NFX1: variants seen among roughly 807,000 people sequenced by gnomAD.
NFX1 encodes the protein transcriptional repressor NF-X1.
NFX1 carries 69 observed loss-of-function variants against 137.2 expected under a neutral mutation model. The ratio of observed to expected loss-of-function variants is 0.50; its 90% CI spans 0.41 to 0.61. The LOEUF (loss-of-function observed/expected upper bound fraction) is 0.61, where lower values mean the gene tolerates loss of function less well. Among genes scored for constraint, NFX1 ranks in the 20% least tolerant of loss-of-function variants. The probability of loss-of-function intolerance (pLI) is 0.00; values close to 1 mark genes in which losing one functional copy is unlikely to be tolerated. For synonymous variants in NFX1, 495 were observed against 474.1 expected (o/e 1.04, Z -0.57); for missense variants, 1,167 against 1,391.0 (o/e 0.84, Z 2.56).
intron 3 of NFX1, among the ~76,000 whole-genome samples, chr9:33,302,169 A>G (rs185237011): frequency 1.3e-5 from 2 of 152,282 alleles, no homozygotes; most frequent in East Asian, 1.9e-4. Context: ...TTTTGATACA[A>G]GCGTACAATG....
chr9:33,317,430 AAAAAAG>A (rs1163282074), intron 7 of NFX1, among the ~76,000 whole-genome samples: 2 of 150,436 alleles, frequency 1.3e-5, no homozygotes, highest in South Asian at 4.2e-4. Flanking sequence ...AAAAAAAAAA[AAAAAAG>A]AAAGAAAGAA....
chr9:33,369,008 C>A (rs898883954), intron 23 of NFX1, among the ~76,000 whole-genome samples: 2 of 152,188 alleles, frequency 1.3e-5, no homozygotes, highest in Non-Finnish European at 2.9e-5. Context: ...CGGGTCCAGT[C>A]CTGCTTAGAC....
At chr9:33,318,176 A>G (rs1022354419) in intron 7 of NFX1, among the ~76,000 whole-genome samples, 3 of 152,064 alleles carry the variant, frequency 2.0e-5, no homozygotes, top group Non-Finnish European at 4.4e-5. Context: ...TTATACTCTC[A>G]TGCCAATTTT....
intron 6 of NFX1, among the ~76,000 whole-genome samples, chr9:33,312,766 G>T (rs1822009284): frequency 6.6e-6 from 1 of 152,206 alleles, no homozygotes; most frequent in Non-Finnish European, 1.5e-5. Flanking sequence ...AGCTACTGGG[G>T]AGGTTGAGGT....
chr9:33,299,646 C>T (rs1006211302), intron 2 of NFX1, among the ~76,000 whole-genome samples: 7 of 152,164 alleles, frequency 4.6e-5, no homozygotes, highest in African/African-American at 1.7e-4. Flanking sequence ...CACGATCATG[C>T]CACTGCACTC....
intron 21 of NFX1, among the ~76,000 whole-genome samples, 155 bp from the exon 22 acceptor site, chr9:33,366,474 T>A (rs1403015922): frequency 6.6e-6 from 1 of 152,104 alleles, no homozygotes; most frequent in Non-Finnish European, 1.5e-5. Context: ...CCCAAACCCC[T>A]CCAGGCTTGC....
At chr9:33,320,884 G>T (rs948041666) in intron 9 of NFX1, among the ~76,000 whole-genome samples, 7 of 152,212 alleles carry the variant, frequency 4.6e-5, no homozygotes, top group African/African-American at 1.7e-4. Context: ...GCGTGAATCA[G>T]TGGGAACACC....
intron 6 of NFX1, among the ~76,000 whole-genome samples, chr9:33,311,763 G>T (rs1211493096): frequency 6.6e-6 from 1 of 152,172 alleles, no homozygotes; most frequent in Admixed American, 6.5e-5. Context: ...ATCTTGGCCA[G>T]GCTGGTCTTG....
chr9:33,314,112 T>C (rs1029329747), intron 7 of NFX1, among the ~76,000 whole-genome samples: 2 of 151,838 alleles, frequency 1.3e-5, no homozygotes, highest in South Asian at 2.1e-4. Flanking sequence ...GCCTCCCGAG[T>C]AGCTGGGATT....
rs1821310093 is a variant in NFX1 at position 33,295,216 on chromosome 9, C to G, written c.822C>G (p.His274Gln). The part of the protein sequence containing the change: ...QEGHRHTNAG[H>Q]RNNMGPIPKD... ...GCCACCGACATACAAACGCAGGACA[C>G]AGAAACAACATGGGCCCCATTCCAA... Residue 274 changes from histidine to glutamine, a missense_variant, in exon 2 of 24, where the codon CAC becomes CAG. His to Gln is a conservative substitution (Grantham distance 24). Transcript: ENST00000379540. 1.2e-6 allele frequency: 2 copies of G among 1,613,996 alleles called. No individual in the cohort carries two copies. The highest frequency in any genetic ancestry group is 1.3e-5 in the African/African-American group (1 of 74,878).
At chr9:33,302,482 C>T (rs780991839) in intron 3 of NFX1, among the ~76,000 whole-genome samples, 3 of 150,104 alleles carry the variant, frequency 2.0e-5, no homozygotes, top group Non-Finnish European at 4.4e-5. Context: ...CTGCCTCAGA[C>T]TCCCAAGCAG....
intron 12 of NFX1, 99 bp downstream of exon 12, chr9:33,338,688 C>A: frequency 9.7e-7 from 1 of 1,035,288 alleles, no homozygotes; most frequent in Non-Finnish European, 1.4e-6. Context: ...ATTTAAAAGT[C>A]ACTGGGACAG....
rs1259928319 is a variant in NFX1 at position 33,345,186 on chromosome 9, GA to G, written c.2344+1006del. ...CAAAAAAAGAAAAGAAAAAGAAAAA[GA>G]AAAAAAAGGCCGGGTGCAGTGACTC... On this transcript the variant is annotated intron_variant, in intron 14 of 23. Transcript: ENST00000379540. 3.1e-5 allele frequency among the ~76,000 whole-genome samples: 3 copies of G among 97,428 alleles called. 1 individual carries two copies. The highest frequency in any genetic ancestry group is 9.0e-5 in the African/African-American group (3 of 33,356). 63.9% of individuals were successfully genotyped at this position (97,428 alleles called of 152,430 possible). A position where few individuals can be genotyped will look rare whatever the true frequency, so the allele number is the denominator to read the frequency against.
chr9:33,332,330 T>C (rs1004527457), intron 10 of NFX1, 142 bp from the exon 11 acceptor site: 3 of 722,254 alleles, frequency 4.2e-6, no homozygotes, highest in South Asian at 2.0e-5. Context: ...GCTCCAGACA[T>C]GGCAAGTGAA....
chr9:33,342,164 A>C (rs1440822508), intron 12 of NFX1, among the ~76,000 whole-genome samples: 1 of 141,422 alleles, frequency 7.1e-6, no homozygotes, highest in East Asian at 2.0e-4. Context: ...TGTAAAAATA[A>C]AATATATTTT....
At chr9:33,334,395 G>T (rs1822922003) in intron 11 of NFX1, among the ~76,000 whole-genome samples, 1 of 152,220 alleles carries the variant, frequency 6.6e-6, no homozygotes, top group African/African-American at 2.4e-5. Context: ...GTTTGAGGTT[G>T]CAGTGAGCTG....
chr9:33,337,052 AT>A (rs1446225398), intron 11 of NFX1, among the ~76,000 whole-genome samples: 1 of 151,974 alleles, frequency 6.6e-6, no homozygotes, highest in Non-Finnish European at 1.5e-5. Context: ...CAGTGAGCAA[AT>A]TTTTGTAGAG....
intron 16 of NFX1, chr9:33,352,364 T>C (rs918496603): frequency 1.8e-6 from 1 of 544,668 alleles, no homozygotes; most frequent in Non-Finnish European, 3.5e-6. Flanking sequence ...GGCAAGTGTC[T>C]GTCTCTGATG....
rs766245605 is a variant in NFX1 at position 33,342,739 on chromosome 9, T to C, written c.2116-7T>C. 1 of 1,589,692 alleles carries C rather than the reference T, an allele frequency of 6.3e-7. No homozygotes were observed. Among genetic ancestry groups the C allele is most frequent in the South Asian group, 1.1e-5 (1 of 87,152 alleles). ...TTTTATGAACAAATATAAATCTCTT[T>C]TCCCAGGATAAGGAGCACAAGTGTC... On this transcript the variant is annotated splice_polypyrimidine_tract_variant and splice_region_variant and intron_variant, in intron 12 of 23. Coordinates refer to ENST00000379540, the MANE Select transcript of NFX1 (RefSeq NM_002504.6).
Sources: allele counts gnomAD v4.1 joint callset (sites outside exome capture counted in the v4.1 genomes callset), GRCh38; gene constraint gnomAD v4.1.1; transcripts MANE v1.5; gene names NCBI Gene and HGNC (gene_info 2026-07-23, HGNC 2026-07-21).